Variants in AGT observed in about 807,000 individuals in gnomAD.
The protein encoded by AGT is alpha-1 antiproteinase, antitrypsin.
In AGT, 26 loss-of-function variants were observed where a neutral mutation model predicts 28.1. The ratio of observed to expected loss-of-function variants is 0.92; its 90% CI spans 0.68 to 1.28. The LOEUF (loss-of-function observed/expected upper bound fraction) is 1.28. Ranked by LOEUF, AGT falls within the 50% of genes most tolerant of loss-of-function variation. The pLI, the probability that AGT is intolerant of heterozygous loss-of-function variation, is 0.00. For missense variants in AGT, 596 were observed against 592.3 expected (o/e 1.01, Z -0.06); for synonymous variants, 259 against 259.6 (o/e 1.00, Z 0.02).
chr1:230,712,960 T>C (rs1311132274), intron 1 of AGT, among the ~76,000 whole-genome samples: 1 of 152,178 alleles, frequency 6.6e-6, no homozygotes, highest in East Asian at 1.9e-4. Context: ...AGATGACGGC[T>C]CATGCTCCTG....
At chr1:230,718,813 C>A (rs7555237), upstream of AGT, among the ~76,000 whole-genome samples, 29,406 of 149,340 alleles carry the variant, frequency 0.2, 3,960 homozygotes, top group East Asian at 0.49. Context: ...GCAGTCTTGA[C>A]CTCCCTGGCT....
chr1:230,706,181 G>T lies in AGT; in HGVS notation c.849C>A (p.Ser283=). The T allele has an allele frequency of 6.2e-7, 1 of 1,613,658 alleles. No individual in the cohort carries two copies. Among genetic ancestry groups the T allele is most frequent in the Non-Finnish European group, 8.5e-7 (1 of 1,179,686 alleles). Residue 283 remains serine (S), a synonymous_variant, in exon 3 of 5, where the codon TCC becomes TCA. Coordinates refer to ENST00000366667, the MANE Select transcript of AGT (RefSeq NM_001384479.1). ...VHFQGKMKGF[S]LLAEPQEFWV... ...AGAACTCCTGGGGCTCGGCCAGCAG[G>T]GAGAAGCCCTTCATCTTCCCTGAAA...
chr1:230,713,744 C>T (rs1212277533), intron 1 of AGT, among the ~76,000 whole-genome samples: 1 of 152,118 alleles, frequency 6.6e-6, no homozygotes, highest in Non-Finnish European at 1.5e-5. Flanking sequence ...TGCACAAGCC[C>T]TGCTATTCCT....
chr1:230,733,297 CA>C (rs61609594), intron 1 of AGT, among the ~76,000 whole-genome samples: 1 of 152,092 alleles, frequency 6.6e-6, no homozygotes, highest in East Asian at 1.9e-4. Flanking sequence ...AACAAACAAA[CA>C]AAAAAGTCAG....
chr1:230,706,328 C>T (rs764358894), intron 2 of AGT, 128 bp from the exon 3 acceptor site: 2 of 1,045,016 alleles, frequency 1.9e-6, no homozygotes, highest in Non-Finnish European at 2.7e-6. Context: ...TGGCCCCCCC[C>T]AGGCCACTCT....
intron 1 of AGT, among the ~76,000 whole-genome samples, chr1:230,713,206 G>A (rs1456407445): frequency 6.6e-6 from 1 of 152,220 alleles, no homozygotes; most frequent in East Asian, 1.9e-4. Flanking sequence ...TGATGTGAAT[G>A]TGAGCCCCGG....
At position 230,710,725 on chromosome 1, in the gene AGT, G is replaced by A. The variant is rs771675649; in HGVS notation, c.99C>T (p.His33=). Residue 33 remains histidine (H), a synonymous_variant, in exon 2 of 5, where the codon CAC becomes CAT. Coordinates refer to ENST00000366667, the MANE Select transcript of AGT (RefSeq NM_001384479.1). ...AGDRVYIHPF[H]LVIHNESTCE... is the part of the protein sequence containing the mutation. Reference sequence around the variant, plus strand: ...AGGTACTCTCATTGTGGATGACGAGGTGGAAGGGGTGTATGTACACCCGGT... The same window carrying A: ...AGGTACTCTCATTGTGGATGACGAGATGGAAGGGGTGTATGTACACCCGGT... 6.2e-7 allele frequency: 1 copy of A among 1,614,142 alleles called. No individual in the cohort carries two copies.
In AGT at chr1:230,728,978, C is replaced by T. The variant is rs77543711; in HGVS notation, c.-31+16537G>A. Among the ~76,000 whole-genome samples the T allele has an allele frequency of 5.7e-3, 863 of 152,308 alleles. 2 individuals are homozygous for T. Among genetic ancestry groups the T allele is most frequent in the African/African-American group, 0.016 (647 of 41,560 alleles). On this transcript the variant is annotated intron_variant, in intron 1 of 4. Transcript: ENST00000681269. ...GGAGAGCATTAGTTGCTATATCACT[C>T]GTGAAAAGCCTTCCGGAAATGTGGT...
intron 1 of AGT, among the ~76,000 whole-genome samples, chr1:230,730,591 G>A (rs74144816): frequency 7.2e-5 from 11 of 152,330 alleles, no homozygotes; most frequent in African/African-American, 2.6e-4. Context: ...TGTGGAACGA[G>A]CTGTGTCTGC....
At chr1:230,743,032 C>A (rs1664275246) in intron 1 of AGT, among the ~76,000 whole-genome samples, 1 of 152,144 alleles carries the variant, frequency 6.6e-6, no homozygotes. Flanking sequence ...CGCTCCTCGC[C>A]CAGGCTGGAG....
chr1:230,704,367 T>A lies in AGT; in HGVS notation c.1098-30A>T, dbSNP rs748147614. ...GGAGATGATGCACAGTTAGGAAGGC[T>A]CCAGGCCACACAGTGAGGGCTCTCC... On this transcript the variant is annotated intron_variant, in intron 3 of 4. Coordinates refer to ENST00000366667, the MANE Select transcript of AGT (RefSeq NM_001384479.1). 9 of 1,612,596 alleles carry A rather than the reference T, an allele frequency of 5.6e-6. No individual in the cohort carries two copies. The East Asian group carries it at 2.0e-4, about 36-fold the overall frequency.
rs770731515 is a variant in AGT at position 230,710,156 on chromosome 1, G to A, written c.668C>T (p.Pro223Leu). 13 of 1,614,022 alleles carry A rather than the reference G, an allele frequency of 8.1e-6. No homozygotes were observed. In the East Asian group the frequency reaches 2.7e-4, roughly 33 times the overall value. ...GTCCAGAGAGCGTGGGAGGACCACAGGGGTATAGAGAGCCAGGCCCTGCAC... is the reference window on the plus strand; with the variant it reads ...GTCCAGAGAGCGTGGGAGGACCACAAGGGTATAGAGAGCCAGGCCCTGCAC... ...PFVQGLALYT[P>L]VVLPRSLDFT... Residue 223 changes from proline (P) to leucine (L), a missense_variant, in exon 2 of 5, where the codon CCT becomes CTT. Physicochemically the swap from Pro to Leu is moderately conservative, Grantham distance 98. Transcript: ENST00000366667.
intron 1 of AGT, among the ~76,000 whole-genome samples, chr1:230,743,801 C>T (rs1477480153): frequency 1.3e-5 from 2 of 152,224 alleles, no homozygotes; most frequent in Non-Finnish European, 2.9e-5. Flanking sequence ...CCATGGCATC[C>T]CAGAGCCACC....
At chr1:230,732,812 G>A (rs182514060) in intron 1 of AGT, among the ~76,000 whole-genome samples, 2 of 152,300 alleles carry the variant, frequency 1.3e-5, no homozygotes, top group African/African-American at 4.8e-5. Context: ...TGGTCTTGCT[G>A]TCTCAAGGGT....
At chr1:230,729,928 G>A (rs1209143516) in intron 1 of AGT, among the ~76,000 whole-genome samples, 5 of 152,046 alleles carry the variant, frequency 3.3e-5, no homozygotes, top group Admixed American at 6.5e-5. Flanking sequence ...TTGGGAGGCC[G>A]AGGCAGGTGG....
chr1:230,737,076 C>A (rs1399367262), intron 1 of AGT, among the ~76,000 whole-genome samples: 1 of 152,122 alleles, frequency 6.6e-6, no homozygotes, highest in Non-Finnish European at 1.5e-5. Flanking sequence ...TGGTGCAAGA[C>A]CATTTCTGCT....
At chr1:230,743,395 C>T (rs1474036974) in intron 1 of AGT, among the ~76,000 whole-genome samples, 2 of 152,214 alleles carry the variant, frequency 1.3e-5, no homozygotes, top group Non-Finnish European at 2.9e-5. Context: ...AGGCAGGACG[C>T]CACCTTTACA....
At chr1:230,742,709 C>G (rs116186135) in intron 1 of AGT, among the ~76,000 whole-genome samples, 3,438 of 152,260 alleles carry the variant, frequency 0.023, 122 homozygotes, top group African/African-American at 0.078. Flanking sequence ...GTACACTGTT[C>G]CACTTCATGA....
intron 1 of AGT, among the ~76,000 whole-genome samples, chr1:230,742,217 T>G (rs893167929): frequency 1.3e-5 from 2 of 152,136 alleles, no homozygotes; most frequent in Non-Finnish European, 2.9e-5. Context: ...TTTGTGTAGT[T>G]TCCGAGAAAT....
Sources: gnomAD v4.1 joint callset for allele counts (sites outside exome capture counted in the v4.1 genomes callset) on GRCh38, gnomAD v4.1.1 for gene constraint, MANE v1.5 for transcripts, NCBI Gene and HGNC (gene_info 2026-07-23, HGNC 2026-07-21) for gene names.